The following EDARADD variants were observed in gnomAD, a reference collection of about 807,000 sequenced individuals.
The protein encoded by EDARADD is EDAR associated via death domain.
Under a neutral mutation model 25.6 loss-of-function variants are expected in EDARADD, and 20 were observed. The observed-to-expected ratio is 0.78, with a 90% CI of 0.55 to 1.14. The LOEUF is 1.14. Ranked by LOEUF, EDARADD falls within the 50% of genes most tolerant of loss-of-function variation. The pLI, the probability that EDARADD is intolerant of heterozygous loss-of-function variation, is 0.00. For missense variants in EDARADD, 225 were observed against 270.1 expected, an observed-to-expected ratio of 0.83 and a Z score of 1.17; for synonymous variants, 86 against 94.4, an observed-to-expected ratio of 0.91 and a Z score of 0.52.
At chr1:236,365,203 A>G (rs937716934) in intron 3 of EDARADD, among the ~76,000 whole-genome samples, 1 of 148,152 alleles carries the variant, frequency 6.7e-6, no homozygotes, top group African/African-American at 2.5e-5. Flanking sequence ...TTTCTCTGTC[A>G]CTCATGCTGG....
chr1:236,363,749 C>G (rs547715723), intron 3 of EDARADD, among the ~76,000 whole-genome samples: 1 of 152,126 alleles, frequency 6.6e-6, no homozygotes, highest in South Asian at 2.1e-4. Flanking sequence ...AGATCCAGCT[C>G]CCCTTTTGCC....
rs2103002153 is a variant in EDARADD at position 236,398,812 on chromosome 1, C to T, written c.61+4307C>T. Reference sequence around the variant, plus strand: ...ACCCTGTACCTTTCCTTTCTGGCACCTGTCACAATTTCTAGCTGTGATTAT... The same window carrying T: ...ACCCTGTACCTTTCCTTTCTGGCACTTGTCACAATTTCTAGCTGTGATTAT... On this transcript the variant is annotated intron_variant, in intron 1 of 5. Coordinates refer to ENST00000334232, the MANE Select transcript of EDARADD (RefSeq NM_145861.4). This position sits in a 1 kb window ranked among gnomAD's most constrained non-coding sequence, Gnocchi z 4.1. 6.6e-6 allele frequency among the ~76,000 whole-genome samples: 1 copy of T among 152,300 alleles called. No homozygotes were observed. Among genetic ancestry groups the T allele is most frequent in the South Asian group, 2.1e-4 (1 of 4,828 alleles).
intron 1 of EDARADD, among the ~76,000 whole-genome samples, chr1:236,404,497 A>G (rs1667673464): frequency 6.6e-6 from 1 of 152,228 alleles, no homozygotes; most frequent in Non-Finnish European, 1.5e-5. Flanking sequence ...TGTATTTGGC[A>G]GTAACATGTA....
intron 4 of EDARADD, among the ~76,000 whole-genome samples, chr1:236,451,703 G>A (rs6677270): frequency 0.079 from 12,040 of 152,172 alleles, 919 homozygotes; most frequent in African/African-American, 0.19. Context: ...GATTACAGGC[G>A]TGAGCCACCA....
At chr1:236,458,641 C>CTTTTT (rs5781887) in intron 4 of EDARADD, among the ~76,000 whole-genome samples, 91 of 113,524 alleles carry the variant, frequency 8.0e-4, no homozygotes, top group Admixed American at 1.1e-3. Context: ...TTTTCTTTTT[C>CTTTTT]TTTTTTTTTT....
rs3916983 is a variant in EDARADD at position 236,484,250 on chromosome 1, C to G, written c.*1601C>G. ...TTCAGGCGTGCAAGCTGGCCCAGGC[C>G]AATGGTTGGTGTGTCATGGTGCCTC... On this transcript the variant is annotated 3_prime_UTR_variant, in exon 6 of 6. Transcript: ENST00000334232. The surrounding 1 kb of genome is among the most constrained non-coding windows in gnomAD (Gnocchi z 4.1). The G allele has an allele frequency of 0.25, 242,903 of 962,674 alleles. 32,456 individuals are homozygous for G. Among genetic ancestry groups the G allele is most frequent in the Middle Eastern group, 0.32 (1,488 of 4,718 alleles). 59.6% of individuals were successfully genotyped at this position (962,674 alleles called of 1,614,324 possible). A position where few individuals can be genotyped will look rare whatever the true frequency, so the allele number is the denominator to read the frequency against.
chr1:236,371,627 TG>T, intron 3 of EDARADD, among the ~76,000 whole-genome samples: 1 of 151,792 alleles, frequency 6.6e-6, no homozygotes, highest in African/African-American at 2.4e-5. Context: ...TGCAGTGCAG[TG>T]GCACGATCTC....
intron 5 of EDARADD, among the ~76,000 whole-genome samples, chr1:236,473,639 G>A (rs180817307): frequency 6.3e-4 from 96 of 152,224 alleles, no homozygotes; most frequent in African/African-American, 2.3e-3. Context: ...CAAAAAATTA[G>A]CTGGGCCCGG....
intron 3 of EDARADD, among the ~76,000 whole-genome samples, chr1:236,360,549 T>G (rs113025753): frequency 3.2e-4 from 46 of 144,918 alleles, no homozygotes; most frequent in Admixed American, 6.2e-4. Flanking sequence ...TTTTTTTTTT[T>G]TTTTTTTTTT....
At chr1:236,391,161 G>A (rs950738160), upstream of EDARADD, among the ~76,000 whole-genome samples, 1 of 151,924 alleles carries the variant, frequency 6.6e-6, no homozygotes, top group Admixed American at 6.6e-5. Context: ...AAGATCCCAC[G>A]CACCTCCTCC....
chr1:236,390,227 A>T (rs1188390633), upstream of EDARADD, among the ~76,000 whole-genome samples: 1 of 152,110 alleles, frequency 6.6e-6, no homozygotes, highest in Non-Finnish European at 1.5e-5. Context: ...TCCTCGGGTG[A>T]TGGGTGCACC....
At chr1:236,368,058 A>G (rs1006277717) in intron 3 of EDARADD, among the ~76,000 whole-genome samples, 6 of 152,178 alleles carry the variant, frequency 3.9e-5, no homozygotes, top group African/African-American at 7.2e-5. Context: ...AGCCTGGGCA[A>G]CATAGTGAGA....
At chr1:236,430,783 A>T (rs528692480) in intron 4 of EDARADD, among the ~76,000 whole-genome samples, 1 of 152,368 alleles carries the variant, frequency 6.6e-6, no homozygotes, top group East Asian at 1.9e-4. Context: ...CGTTTAAAAG[A>T]AGAAAACAAC....
At chr1:236,411,842 T>A (rs1657493032) in intron 2 of EDARADD, among the ~76,000 whole-genome samples, 1 of 152,182 alleles carries the variant, frequency 6.6e-6, no homozygotes, top group Non-Finnish European at 1.5e-5. Context: ...TGAGCCACCA[T>A]GCCTGGCCCT....
chr1:236,478,427 C>A lies in EDARADD; in HGVS notation c.266-3840C>A, dbSNP rs537220319. On this transcript the variant is annotated intron_variant, in intron 5 of 5. Transcript: ENST00000334232. Reference sequence around the variant, plus strand: ...TATATAAATGGATATATATATATATCTGGATGGATATATAAATATGATATA... The same window carrying A: ...TATATAAATGGATATATATATATATATGGATGGATATATAAATATGATATA... 3.5e-5 allele frequency among the ~76,000 whole-genome samples: 5 copies of A among 143,116 alleles called. No individual in the cohort carries two copies. The South Asian group carries it at 6.6e-4, about 19-fold the overall frequency. The allele number at this position is 143,116 out of a possible 152,430, so 93.9% of individuals were successfully genotyped here. A position where few individuals can be genotyped will look rare whatever the true frequency, so the allele number is the denominator to read the frequency against.
intron 4 of EDARADD, among the ~76,000 whole-genome samples, chr1:236,429,087 T>C (rs1286707186): frequency 6.6e-6 from 1 of 151,956 alleles, no homozygotes; most frequent in Non-Finnish European, 1.5e-5. Flanking sequence ...ATGGCATCGG[T>C]ACAGTCCAGC....
rs1250468505 is a variant in EDARADD at position 236,433,932 on chromosome 1, G to T, written c.219+6482G>T. On this transcript the variant is annotated intron_variant, in intron 4 of 5. Coordinates refer to ENST00000334232, the MANE Select transcript of EDARADD (RefSeq NM_145861.4). ...AAAACCCTGCAAATAATTTGATATTGTTCTATATCCTGCTTTTGTTGTTTA... is the reference window on the plus strand; with the variant it reads ...AAAACCCTGCAAATAATTTGATATTTTTCTATATCCTGCTTTTGTTGTTTA... Among the ~76,000 whole-genome samples, 3 of 151,076 alleles carry T rather than the reference G, an allele frequency of 2.0e-5. No individual in the cohort carries two copies. The East Asian group carries it at 5.8e-4, about 29-fold the overall frequency.
chr1:236,397,273 G>T (rs533835329), intron 1 of EDARADD, among the ~76,000 whole-genome samples: 9 of 152,162 alleles, frequency 5.9e-5, no homozygotes, highest in Admixed American at 2.6e-4. Flanking sequence ...AGCCAAATGT[G>T]CCAGTGCATA....
At chr1:236,362,788 T>C (rs1275030470) in intron 3 of EDARADD, among the ~76,000 whole-genome samples, 1 of 151,404 alleles carries the variant, frequency 6.6e-6, no homozygotes, top group Admixed American at 6.6e-5. Context: ...CAACATCTGT[T>C]GTAAAGGCCA....
Sources: allele counts gnomAD v4.1 joint callset (sites outside exome capture counted in the v4.1 genomes callset), GRCh38; gene constraint gnomAD v4.1.1; non-coding constraint Gnocchi (gnomAD v3.1); transcripts MANE v1.5; gene names NCBI Gene and HGNC (gene_info 2026-07-23, HGNC 2026-07-21).